SLC9D1: variants seen among roughly 807,000 people sequenced by gnomAD.
SLC9D1 encodes the protein solute carrier family 9 member D1, also known as putative LAG1-interacting protein.
chr13:113,535,827 C>T, the SLC9D1 span, among the ~76,000 whole-genome samples: 11 of 150,860 alleles, frequency 7.3e-5, no homozygotes, highest in Admixed American at 1.3e-4. The surrounding 1 kb of genome is among the most constrained non-coding windows in gnomAD (Gnocchi z 4.1). Flanking sequence ...GTGTCTGTAT[C>T]GGCACCTGAG....
the SLC9D1 span, chr13:113,549,453 C>T: frequency 3.7e-6 from 6 of 1,614,084 alleles, no homozygotes; most frequent in South Asian, 1.1e-5. Flanking sequence ...AGTGTGACCA[C>T]GCTCAGCCTC....
the SLC9D1 span, chr13:113,498,198 GAC>G: frequency 2.6e-5 from 15 of 571,166 alleles, no homozygotes; most frequent in Non-Finnish European, 2.9e-6. Context: ...GAATAACTAG[GAC>G]ACGTGACTTC....
chr13:113,548,893 G>A, the SLC9D1 span, among the ~76,000 whole-genome samples: 34 of 152,234 alleles, frequency 2.2e-4, no homozygotes, highest in African/African-American at 4.6e-4. Context: ...AGTGTGAGGC[G>A]GGTAGAAGTC....
At chr13:113,500,117 A>G in the SLC9D1 span, 2 of 1,565,268 alleles carry the variant, frequency 1.3e-6, no homozygotes, top group Non-Finnish European at 1.7e-6. Flanking sequence ...CAGAGATTCA[A>G]CCATCCCACG....
the SLC9D1 span, among the ~76,000 whole-genome samples, chr13:113,541,491 C>T: frequency 4.1e-5 from 5 of 121,032 alleles, no homozygotes; most frequent in Non-Finnish European, 4.8e-5. Context: ...TTATTACCGC[C>T]GAGATGTGTG....
chr13:113,539,511 A>G, the SLC9D1 span: 3 of 1,610,992 alleles, frequency 1.9e-6, no homozygotes, highest in African/African-American at 2.7e-5. The surrounding 1 kb of genome is among the most constrained non-coding windows in gnomAD (Gnocchi z 4.8). Flanking sequence ...TCCATAGGTA[A>G]TCTTCCTTCT....
chr13:113,536,943 C>T, the SLC9D1 span, among the ~76,000 whole-genome samples: 2 of 152,130 alleles, frequency 1.3e-5, no homozygotes, highest in African/African-American at 4.8e-5. Flanking sequence ...GTGAGCACGC[C>T]GTGCCCCACA....
the SLC9D1 span, among the ~76,000 whole-genome samples, chr13:113,497,545 C>T: frequency 0.21 from 23,901 of 116,472 alleles, 2,925 homozygotes; most frequent in Middle Eastern, 0.4. Context: ...TGCAGCTGTG[C>T]GAGACTTGTA....
chr13:113,549,721 C>T, the SLC9D1 span: 27 of 795,940 alleles, frequency 3.4e-5, no homozygotes, highest in South Asian at 8.6e-5. Flanking sequence ...TAGAATTTTC[C>T]GGAGTAGTTT....
the SLC9D1 span, chr13:113,529,873 C>T: frequency 2.0e-5 from 3 of 152,190 alleles, 1 homozygote; most frequent in Admixed American, 2.0e-4. Flanking sequence ...AAATGGTTAA[C>T]ATGGTACATT....
the SLC9D1 span, chr13:113,501,902 T>G: frequency 6.3e-7 from 1 of 1,588,046 alleles, no homozygotes; most frequent in Non-Finnish European, 8.6e-7. Context: ...ATTGGATTGT[T>G]TTGGTATCTG....
At chr13:113,543,166 GTCCGGACCCCACCTC>G in the SLC9D1 span, among the ~76,000 whole-genome samples, 232 of 46,818 alleles carry the variant, frequency 5.0e-3, 3 homozygotes, top group Middle Eastern at 0.015. Context: ...CCCTACCTCT[GTCCGGACCCCACCTC>G]CTCCCCCTGC....
At chr13:113,494,342 C>T in the SLC9D1 span, among the ~76,000 whole-genome samples, 1 of 152,236 alleles carries the variant, frequency 6.6e-6, no homozygotes, top group East Asian at 1.9e-4. Flanking sequence ...TCCACGGTCT[C>T]GGTTTCCCAC....
chr13:113,548,309 C>T, the SLC9D1 span: 1 of 1,614,006 alleles, frequency 6.2e-7, no homozygotes, highest in African/African-American at 1.3e-5. Flanking sequence ...GCAGTTTCTC[C>T]TGGCGGCGCT....
chr13:113,534,253 C>T, the SLC9D1 span: 1 of 1,593,830 alleles, frequency 6.3e-7, no homozygotes, highest in Non-Finnish European at 8.6e-7. Flanking sequence ...AATTCTCAAA[C>T]TATGTGTTAT....
chr13:113,507,244 C>A, the SLC9D1 span, among the ~76,000 whole-genome samples: 1 of 149,558 alleles, frequency 6.7e-6, no homozygotes, highest in Non-Finnish European at 1.5e-5. Flanking sequence ...GAGACGGCAT[C>A]CCGCTGTTTT....
At chr13:113,520,704 CATACAGGCGG>C in the SLC9D1 span, 1 of 1,613,888 alleles carries the variant, frequency 6.2e-7, no homozygotes, top group Non-Finnish European at 8.5e-7. Flanking sequence ...TGCCGACTCT[CATACAGGCGG>C]GCGCCAGTGC....
the SLC9D1 span, among the ~76,000 whole-genome samples, chr13:113,525,076 TATCACTGTTTGCTGGA>T: frequency 6.6e-6 from 1 of 152,234 alleles, no homozygotes; most frequent in Admixed American, 6.5e-5. Context: ...ACATGTAACT[TATCACTGTTTGCTGGA>T]ATCCACGTTT....
the SLC9D1 span, among the ~76,000 whole-genome samples, chr13:113,494,469 C>T: frequency 6.6e-6 from 1 of 152,114 alleles, no homozygotes; most frequent in African/African-American, 2.4e-5. Context: ...CTGGACACCA[C>T]GGCTACAGCC....
Sources: allele counts gnomAD v4.1 joint callset (sites outside exome capture counted in the v4.1 genomes callset), GRCh38; gene constraint gnomAD v4.1.1; non-coding constraint Gnocchi (gnomAD v3.1); transcripts MANE v1.5; gene names NCBI Gene and HGNC (gene_info 2026-07-23, HGNC 2026-07-21).